Variants in MAGI2 observed in about 807,000 individuals in gnomAD.
MAGI2 encodes the protein membrane-associated guanylate kinase, WW and PDZ domain-containing protein 2.
MAGI2 carries 35 observed loss-of-function variants against 133.3 expected under a neutral mutation model. That is an observed-to-expected ratio of 0.26 (90% CI 0.20 to 0.35). The LOEUF (loss-of-function observed/expected upper bound fraction) is 0.35, where lower values mean the gene tolerates loss of function less well. MAGI2 is among the 10% of genes least tolerant of loss of function. The pLI, the probability that MAGI2 is intolerant of heterozygous loss-of-function variation, is 1.00. For synonymous variants in MAGI2, 729 were observed against 710.6 expected (o/e 1.03, Z -0.41); for missense variants, 1,636 against 1,863.4 (o/e 0.88, Z 2.25).
chr7:78,778,858 T>C (rs1339658043), intron 2 of MAGI2, among the ~76,000 whole-genome samples: 1 of 151,298 alleles, frequency 6.6e-6, no homozygotes, highest in Non-Finnish European at 1.5e-5. Context: ...TAGCACAGAA[T>C]CTAGCATATA....
intron 1 of MAGI2, among the ~76,000 whole-genome samples, chr7:79,358,642 A>G (rs1028823212): frequency 1.2e-4 from 18 of 152,282 alleles, no homozygotes; most frequent in African/African-American, 4.3e-4. Context: ...ATATCAGGGT[A>G]GTAGTTGAGA....
intron 2 of MAGI2, among the ~76,000 whole-genome samples, chr7:78,873,731 A>G (rs1280576364): frequency 1.3e-5 from 2 of 152,192 alleles, no homozygotes; most frequent in Admixed American, 6.5e-5. Context: ...GTTTTCTTTC[A>G]TGAAACCTGT....
intron 1 of MAGI2, among the ~76,000 whole-genome samples, chr7:79,096,591 T>G (rs1024895352): frequency 4.6e-5 from 7 of 152,332 alleles, no homozygotes; most frequent in Middle Eastern, 3.4e-3. Flanking sequence ...CATTTAGACC[T>G]GCCAATGTTA....
intron 2 of MAGI2, among the ~76,000 whole-genome samples, chr7:78,681,487 G>A (rs1219330740): frequency 3.9e-5 from 6 of 152,078 alleles, no homozygotes; most frequent in Non-Finnish European, 8.8e-5. Flanking sequence ...TTTTAAATAT[G>A]AAGAAAATGA....
At chr7:79,346,754 C>A (rs536227927) in intron 1 of MAGI2, among the ~76,000 whole-genome samples, 4 of 152,008 alleles carry the variant, frequency 2.6e-5, no homozygotes, top group Admixed American at 2.6e-4. Flanking sequence ...GGCCGGGATC[C>A]CATGTTCAAC....
chr7:79,124,763 CT>C lies in MAGI2; in HGVS notation c.302-117558del, dbSNP rs1382267801. ...TCAGTCTCCTAAAGAGCCTGAAAAC[CT>C]GTAGAAGCTCTTCATTGGGTTGGGG... On this transcript the variant is annotated intron_variant, in intron 1 of 21. Transcript: ENST00000354212. 284 of 159,046 alleles carry C rather than the reference CT, an allele frequency of 1.8e-3. 7 individuals are homozygous for C. In the Admixed American group the frequency reaches 0.018, roughly 10 times the overall value. The allele number at this position is 159,046 out of a possible 1,614,324, so 9.9% of individuals were successfully genotyped here. A position where few individuals can be genotyped will look rare whatever the true frequency, so the allele number is the denominator to read the frequency against.
At chr7:79,299,293 A>G (rs913590248) in intron 1 of MAGI2, among the ~76,000 whole-genome samples, 11 of 152,016 alleles carry the variant, frequency 7.2e-5, no homozygotes, top group African/African-American at 9.7e-5. Flanking sequence ...ATTTAGGTAA[A>G]AGAAGATGAT....
chr7:78,628,933 A>C (rs1334707580), intron 2 of MAGI2, among the ~76,000 whole-genome samples: 2 of 151,816 alleles, frequency 1.3e-5, no homozygotes, highest in Non-Finnish European at 2.9e-5. Context: ...AATCATTAAG[A>C]AAAAAATCAC....
At chr7:78,450,622 G>A (rs535998913) in intron 6 of MAGI2, among the ~76,000 whole-genome samples, 1 of 151,922 alleles carries the variant, frequency 6.6e-6, no homozygotes, top group East Asian at 2.0e-4. Flanking sequence ...TAACTTGAGG[G>A]TGACAAGAAC....
chr7:78,106,131 T>C (rs1818666435), intron 20 of MAGI2, among the ~76,000 whole-genome samples: 1 of 152,172 alleles, frequency 6.6e-6, no homozygotes, highest in South Asian at 2.1e-4. Context: ...TTTCTGTACC[T>C]GGCTTATTTC....
intron 2 of MAGI2, among the ~76,000 whole-genome samples, chr7:78,737,370 T>C (rs576145671): frequency 2.0e-5 from 3 of 152,298 alleles, no homozygotes; most frequent in East Asian, 3.9e-4. Flanking sequence ...AGATACACCA[T>C]TGGAATTAAA....
intron 9 of MAGI2, among the ~76,000 whole-genome samples, chr7:78,309,763 A>G (rs1798542102): frequency 6.6e-6 from 1 of 152,240 alleles, no homozygotes; most frequent in African/African-American, 2.4e-5. Context: ...CCTGAGGTCA[A>G]GTTCTGGCTT....
intron 6 of MAGI2, among the ~76,000 whole-genome samples, chr7:78,402,336 G>A (rs1417141101): frequency 2.5e-5 from 1 of 40,454 alleles, no homozygotes; most frequent in Non-Finnish European, 4.5e-5. Flanking sequence ...GGGTGTGTAT[G>A]TGTGTGTGTC....
intron 20 of MAGI2, among the ~76,000 whole-genome samples, chr7:78,118,022 A>T (rs569900881): frequency 6.6e-6 from 1 of 152,232 alleles, no homozygotes; most frequent in Non-Finnish European, 1.5e-5. Flanking sequence ...GATCAATGGA[A>T]CAGAATAGAC....
chr7:78,440,715 G>GC (rs1254689363), intron 6 of MAGI2, among the ~76,000 whole-genome samples: 1 of 152,154 alleles, frequency 6.6e-6, no homozygotes, highest in Non-Finnish European at 1.5e-5. Flanking sequence ...ACTTTGGGAG[G>GC]CCAGGGAGGG....
chr7:79,368,790 G>A (rs556673948), intron 1 of MAGI2, among the ~76,000 whole-genome samples: 1 of 143,464 alleles, frequency 7.0e-6, no homozygotes, highest in Non-Finnish European at 1.5e-5. Flanking sequence ...GGAGCTTGCA[G>A]TGAGCCGAGA....
chr7:79,357,505 G>A (rs1030593076), intron 1 of MAGI2, among the ~76,000 whole-genome samples: 7 of 152,092 alleles, frequency 4.6e-5, no homozygotes, highest in African/African-American at 1.7e-4. Flanking sequence ...CTCTCTTAAG[G>A]CTGCCCTGCT....
At chr7:78,758,923 A>G (rs1479909098) in intron 2 of MAGI2, among the ~76,000 whole-genome samples, 2 of 152,150 alleles carry the variant, frequency 1.3e-5, no homozygotes, top group African/African-American at 2.4e-5. Flanking sequence ...TGTCACATTC[A>G]AATAATTTGT....
chr7:78,845,905 G>A (rs372897606), intron 2 of MAGI2, among the ~76,000 whole-genome samples: 1 of 151,842 alleles, frequency 6.6e-6, no homozygotes, highest in Non-Finnish European at 1.5e-5. Context: ...GTAGGGCAAC[G>A]TGAAAAAGGA....
Sources: gnomAD v4.1 joint callset for allele counts (sites outside exome capture counted in the v4.1 genomes callset) on GRCh38, gnomAD v4.1.1 for gene constraint, MANE v1.5 for transcripts, NCBI Gene and HGNC (gene_info 2026-07-23, HGNC 2026-07-21) for gene names.